Variants in DNTTIP1 observed in about 807,000 individuals in gnomAD.
DNTTIP1 encodes the protein deoxynucleotidyltransferase terminal-interacting protein 1.
DNTTIP1 carries 22 observed loss-of-function variants against 52.9 expected under a neutral mutation model. The observed-to-expected ratio is 0.42, with a 90% CI of 0.30 to 0.59. The LOEUF is 0.59. Ranked by LOEUF, DNTTIP1 falls within the 20% of genes least tolerant of loss-of-function variation. The probability of loss-of-function intolerance (pLI) is 0.22; values close to 1 mark genes in which losing one functional copy is unlikely to be tolerated. For synonymous variants in DNTTIP1, 136 were observed against 155.1 expected (o/e 0.88, Z 0.92); for missense variants, 286 against 435.5 (o/e 0.66, Z 3.06).
Position 45,810,809 on chromosome 20 carries a change from A to G in DNTTIP1, c.796-76A>G, listed in dbSNP as rs1339889242. Reference sequence around the variant, plus strand: ...CCTAGTAGCAGGCCTTACATTAAACAGATGTTTAATGAAGTGTTACTGAGT... The same window carrying G: ...CCTAGTAGCAGGCCTTACATTAAACGGATGTTTAATGAAGTGTTACTGAGT... On this transcript the variant is annotated intron_variant, in intron 11 of 12. Transcript: ENST00000372622. 6 of 1,386,060 alleles carry G rather than the reference A, an allele frequency of 4.3e-6. No homozygotes were observed. In the East Asian group the frequency reaches 1.4e-4, roughly 32 times the overall value. The allele number at this position is 1,386,060 out of a possible 1,614,324, so 85.9% of individuals were successfully genotyped here.
intron 10 of DNTTIP1, among the ~76,000 whole-genome samples, chr20:45,806,450 C>T (rs964692847): frequency 2.6e-5 from 4 of 151,988 alleles, no homozygotes; most frequent in Non-Finnish European, 4.4e-5. Context: ...TTGGTCCCCA[C>T]TGTTTGAGGG....
chr20:45,810,012 A>C (rs1438839623), intron 11 of DNTTIP1, among the ~76,000 whole-genome samples: 1 of 152,164 alleles, frequency 6.6e-6, no homozygotes, highest in African/African-American at 2.4e-5. Flanking sequence ...AGCCACCAGT[A>C]AAAGTAGTTC....
intron 1 of DNTTIP1, 147 bp downstream of exon 1, chr20:45,792,256 T>C (rs141401232): frequency 2.2e-6 from 1 of 456,300 alleles, no homozygotes; most frequent in East Asian, 3.5e-5. Flanking sequence ...ATTTAAATTC[T>C]GGTGCCGCCC....
At chr20:45,792,530 A>G (rs1025501926) in intron 1 of DNTTIP1, 147 bp from the exon 2 acceptor site, 1 of 618,670 alleles carries the variant, frequency 1.6e-6, no homozygotes, top group Non-Finnish European at 2.8e-6. Context: ...AGGAGGCCTT[A>G]CAACTATCGT....
chr20:45,805,483 A>C lies in DNTTIP1; in HGVS notation c.723+117A>C, dbSNP rs956979281. 4 of 1,132,804 alleles carry C rather than the reference A, an allele frequency of 3.5e-6. No individual in the cohort carries two copies. The African/African-American group carries it at 6.3e-5, about 18-fold the overall frequency. The allele number at this position is 1,132,804 out of a possible 1,614,324, so 70.2% of individuals were successfully genotyped here. A position where few individuals can be genotyped will look rare whatever the true frequency, so the allele number is the denominator to read the frequency against. On this transcript the variant is annotated intron_variant, in intron 10 of 12. Coordinates refer to ENST00000372622, the MANE Select transcript of DNTTIP1 (RefSeq NM_052951.3). ...CTTGGAGTCAGGACATCTGGGTTCT[A>C]GTTGTGCCTCTGCCATTCACCTTTC... is the stretch of plus-strand genomic sequence containing the variant.
rs545024422 is a variant in DNTTIP1, at chr20:45,801,559, G to T, written c.498+101G>T. The T allele has an allele frequency of 6.4e-6, 8 of 1,258,356 alleles. No homozygotes were observed. The East Asian group carries it at 1.9e-4, about 29-fold the overall frequency. The allele number at this position is 1,258,356 out of a possible 1,614,324, so 77.9% of individuals were successfully genotyped here. ...TCCCAACACTTTGGGAGGCCAAGCG[G>T]GGAGGATCACTTGAGCTCAGGAGTT... On this transcript the variant is annotated intron_variant, in intron 6 of 12. Transcript: ENST00000372622.
At chr20:45,793,197 T>A (rs761820055) in intron 2 of DNTTIP1, among the ~76,000 whole-genome samples, 1 of 152,234 alleles carries the variant, frequency 6.6e-6, no homozygotes, top group Non-Finnish European at 1.5e-5. Context: ...ATGCTGATAG[T>A]GGTGAAATGG....
chr20:45,803,858 T>C (rs998702117), intron 8 of DNTTIP1, among the ~76,000 whole-genome samples: 1 of 152,212 alleles, frequency 6.6e-6, no homozygotes, highest in African/African-American at 2.4e-5. Flanking sequence ...TCGTAAGTGA[T>C]CGAGCTGAGT....
rs557042427 is a variant in DNTTIP1 at position 45,801,560 on chromosome 20, G to A, written c.498+102G>A. ...CCCAACACTTTGGGAGGCCAAGCGG[G>A]GAGGATCACTTGAGCTCAGGAGTTT... On this transcript the variant is annotated intron_variant, in intron 6 of 12. Transcript: ENST00000372622. The A allele has an allele frequency of 4.8e-6, 6 of 1,249,970 alleles. No individual in the cohort carries two copies. In the South Asian group the frequency reaches 4.9e-5, roughly 10 times the overall value. The allele number at this position is 1,249,970 out of a possible 1,614,324, so 77.4% of individuals were successfully genotyped here.
intron 11 of DNTTIP1, 61 bp from the exon 12 acceptor site, chr20:45,810,824 T>G (rs764554630): frequency 4.8e-6 from 7 of 1,473,256 alleles, no homozygotes; most frequent in Admixed American, 1.7e-5. Flanking sequence ...TTTAATGAAG[T>G]GTTACTGAGT....
chr20:45,792,749 T>G lies in DNTTIP1; in HGVS notation c.176+2T>G, dbSNP rs1601022989. 1 of 1,609,304 alleles carries G rather than the reference T, an allele frequency of 6.2e-7. No individual in the cohort carries two copies. The highest frequency in any genetic ancestry group is 2.2e-5 in the East Asian group (1 of 44,752). ...CCGCCGCTCACAGATGACAACAAGG[T>G]AAGGCTGGCCCTGCATGGGGCTTAT... On this transcript the variant is annotated splice_donor_variant, in intron 2 of 12. Transcript: ENST00000372622. LOFTEE classifies it high-confidence loss of function.
At chr20:45,802,276 T>TTTGTC (rs1157661737) in intron 7 of DNTTIP1, among the ~76,000 whole-genome samples, 5 of 152,222 alleles carry the variant, frequency 3.3e-5, no homozygotes, top group Non-Finnish European at 1.5e-5. Flanking sequence ...GATGAAAGAT[T>TTTGTC]AAACTCCAGA....
intron 3 of DNTTIP1, 69 bp downstream of exon 3, chr20:45,794,086 A>G: frequency 6.3e-6 from 6 of 948,850 alleles, no homozygotes; most frequent in Non-Finnish European, 9.5e-6. Context: ...TGCCTGCATC[A>G]CCAGTCTGTC....
chr20:45,811,021 A>G, intron 12 of DNTTIP1, 36 bp from the exon 13 acceptor site: 1 of 1,612,706 alleles, frequency 6.2e-7, no homozygotes, highest in Non-Finnish European at 8.5e-7. Flanking sequence ...CTACATCCTC[A>G]CTTCCCCCAA....
rs1420386617 is a variant in DNTTIP1 at position 45,801,149 on chromosome 20, G to A, written c.441+7G>A. 2 of 1,613,776 alleles carry A rather than the reference G, an allele frequency of 1.2e-6. No individual in the cohort carries two copies. Among genetic ancestry groups the A allele is most frequent in the Admixed American group, 3.3e-5 (2 of 60,026 alleles). On this transcript the variant is annotated splice_region_variant and intron_variant, in intron 5 of 12. Transcript: ENST00000372622. ...TGAGCTTCCAGGAATAAAGGTCAGA[G>A]TCACTGTGTTCTCGGGTATTGGAGC...
chr20:45,810,510 T>C (rs952304824), intron 11 of DNTTIP1, among the ~76,000 whole-genome samples: 2 of 152,140 alleles, frequency 1.3e-5, no homozygotes, highest in Non-Finnish European at 2.9e-5. Flanking sequence ...TTGGGTCCTT[T>C]CGTATACTTG....
At chr20:45,810,238 A>G (rs1351826749) in intron 11 of DNTTIP1, among the ~76,000 whole-genome samples, 1 of 152,118 alleles carries the variant, frequency 6.6e-6, no homozygotes, top group African/African-American at 2.4e-5. Context: ...AATATGATGA[A>G]TATCTCTTCC....
intron 4 of DNTTIP1, among the ~76,000 whole-genome samples, chr20:45,798,646 G>A (rs1981324231): frequency 1.3e-5 from 2 of 152,072 alleles, no homozygotes; most frequent in Non-Finnish European, 2.9e-5. Context: ...TTCACTTGCT[G>A]TTCTTAGTAC....
At chr20:45,796,042 T>C (rs1981226780) in intron 4 of DNTTIP1, among the ~76,000 whole-genome samples, 1 of 152,014 alleles carries the variant, frequency 6.6e-6, no homozygotes, top group Non-Finnish European at 1.5e-5. Flanking sequence ...AGCAAACTCA[T>C]AGAAGCAGAG....
Sources: gnomAD v4.1 joint callset for allele counts (sites outside exome capture counted in the v4.1 genomes callset) on GRCh38, gnomAD v4.1.1 for gene constraint, MANE v1.5 for transcripts, NCBI Gene and HGNC (gene_info 2026-07-23, HGNC 2026-07-21) for gene names.